SGCZ: variants seen among roughly 807,000 people sequenced by gnomAD.
SGCZ encodes the protein zeta-sarcoglycan.
In SGCZ, 40 loss-of-function variants were observed where a neutral mutation model predicts 41.3. That is an observed-to-expected ratio of 0.97 (90% CI 0.75 to 1.26). The LOEUF is 1.26. Ranked by LOEUF, SGCZ falls within the 50% of genes most tolerant of loss-of-function variation. SGCZ has a pLI of 0.00. For missense variants in SGCZ, 552 were observed against 369.8 expected (o/e 1.49, Z -4.04); for synonymous variants, 206 against 137.5 (o/e 1.50, Z -3.49).
chr8:14,339,770 C>T (rs1802638308), intron 2 of SGCZ, among the ~76,000 whole-genome samples: 1 of 151,756 alleles, frequency 6.6e-6, no homozygotes, highest in Non-Finnish European at 1.5e-5. Context: ...GTACATAGCA[C>T]ATAAGAAAGT....
At position 14,937,827 on chromosome 8, in the gene SGCZ, T is replaced by C. The variant is rs1437669026; in HGVS notation, c.39+299758A>G. Among the ~76,000 whole-genome samples the C allele has an allele frequency of 2.0e-5, 3 of 152,126 alleles. No individual in the cohort carries two copies. In the East Asian group the frequency reaches 5.8e-4, roughly 29 times the overall value. On this transcript the variant is annotated intron_variant, in intron 1 of 7. Coordinates refer to ENST00000382080, the MANE Select transcript of SGCZ (RefSeq NM_139167.4). Reference sequence around the variant, plus strand: ...AATGCAGATTGTAATGAATGAAATATATGTTGAACAATCAGGAATGTTATA... The same window carrying C: ...AATGCAGATTGTAATGAATGAAATACATGTTGAACAATCAGGAATGTTATA...
chr8:14,760,628 A>C (rs1253184355), intron 1 of SGCZ, among the ~76,000 whole-genome samples: 1 of 152,202 alleles, frequency 6.6e-6, no homozygotes, highest in Non-Finnish European at 1.5e-5. Context: ...AATCATTAAA[A>C]ATTTACCTCT....
chr8:14,803,577 G>T (rs1449001457), intron 1 of SGCZ, among the ~76,000 whole-genome samples: 6 of 152,118 alleles, frequency 3.9e-5, no homozygotes, highest in African/African-American at 1.4e-4. Flanking sequence ...CAGAGGGTCT[G>T]ACGCCCAGGG....
intron 1 of SGCZ, among the ~76,000 whole-genome samples, chr8:14,567,314 G>A (rs1309411632): frequency 6.6e-6 from 1 of 152,198 alleles, no homozygotes; most frequent in Non-Finnish European, 1.5e-5. Context: ...GTCTAGTGGG[G>A]ACTTGGAGAA....
chr8:14,799,767 C>T (rs544704012), intron 1 of SGCZ, among the ~76,000 whole-genome samples: 1 of 152,200 alleles, frequency 6.6e-6, no homozygotes, highest in Admixed American at 6.5e-5. Flanking sequence ...TCTAAAACCT[C>T]ATGCCCCTTT....
chr8:15,156,006 C>T (rs1421015524), intron 1 of SGCZ, among the ~76,000 whole-genome samples: 3 of 142,332 alleles, frequency 2.1e-5, no homozygotes, highest in Non-Finnish European at 4.5e-5. Context: ...TGCAGTGAGC[C>T]AAGATCGTGC....
At chr8:14,294,977 T>A (rs1800963152) in intron 3 of SGCZ, among the ~76,000 whole-genome samples, 1 of 152,176 alleles carries the variant, frequency 6.6e-6, no homozygotes, top group South Asian at 2.1e-4. Flanking sequence ...AATATGGCAA[T>A]CATTTTGGTA....
chr8:14,933,460 C>T (rs1275227378), intron 1 of SGCZ, among the ~76,000 whole-genome samples: 1 of 124,238 alleles, frequency 8.0e-6, no homozygotes, highest in Non-Finnish European at 1.6e-5. Context: ...GAGACGGAGT[C>T]TCGCTCTGTC....
At chr8:14,115,226 T>C (rs947742762) in intron 5 of SGCZ, among the ~76,000 whole-genome samples, 1 of 152,036 alleles carries the variant, frequency 6.6e-6, no homozygotes. Flanking sequence ...CATACACACC[T>C]GAGGCTTCTA....
rs576886933 is a variant in SGCZ at position 14,895,475 on chromosome 8, T to A, written c.40-340549A>T. ...AATCTTATCAGCTGTTTTATTAGTG[T>A]GATAAGAAATTCAAAGATGAGATTA... On this transcript the variant is annotated intron_variant, in intron 1 of 7. Transcript: ENST00000382080. Among the ~76,000 whole-genome samples the A allele has an allele frequency of 7.9e-5, 12 of 152,220 alleles. No individual in the cohort carries two copies. The East Asian group carries it at 1.9e-3, about 25-fold the overall frequency.
rs1489833899 is a variant in SGCZ, at chr8:15,164,647, T to C, written c.39+72938A>G. Among the ~76,000 whole-genome samples the C allele has an allele frequency of 4.0e-5, 6 of 151,850 alleles. No individual in the cohort carries two copies. In the East Asian group the frequency reaches 9.6e-4, roughly 24 times the overall value. On this transcript the variant is annotated intron_variant, in intron 1 of 7. Coordinates refer to ENST00000382080, the MANE Select transcript of SGCZ (RefSeq NM_139167.4). ...AGTTAAGTTTTAAGCAAGTTTTTTT[T>C]TTTTTTTAAGAAGACATTTTACTAG...
intron 1 of SGCZ, among the ~76,000 whole-genome samples, chr8:14,838,955 C>G (rs1261672873): frequency 1.3e-5 from 2 of 152,078 alleles, no homozygotes; most frequent in African/African-American, 4.8e-5. Flanking sequence ...CCAAGCATGG[C>G]TATGTTGGAC....
chr8:14,830,295 T>G (rs1226547553), intron 1 of SGCZ, among the ~76,000 whole-genome samples: 1 of 152,150 alleles, frequency 6.6e-6, no homozygotes, highest in Non-Finnish European at 1.5e-5. Flanking sequence ...ACATTTACTG[T>G]ATTATATGTA....
chr8:15,167,925 G>T (rs979795597), intron 1 of SGCZ, among the ~76,000 whole-genome samples: 1 of 152,148 alleles, frequency 6.6e-6, no homozygotes, highest in African/African-American at 2.4e-5. Context: ...CAGGTCATGG[G>T]AATAAATAGG....
chr8:14,253,700 C>T (rs1027542025), intron 3 of SGCZ, among the ~76,000 whole-genome samples: 1 of 152,046 alleles, frequency 6.6e-6, no homozygotes, highest in African/African-American at 2.4e-5. Flanking sequence ...TGAGCTATGT[C>T]TTATTTATAT....
rs374986405 is a variant in SGCZ at position 15,097,835 on chromosome 8, CGTGT to C, written c.39+139746_39+139749del. On this transcript the variant is annotated intron_variant, in intron 1 of 7. Coordinates refer to ENST00000382080, the MANE Select transcript of SGCZ (RefSeq NM_139167.4). ...ATATACGTGTGTGTATATATATATA[CGTGT>C]GTGTATATATATATATACGTGTGTG... Among the ~76,000 whole-genome samples, 29 of 102,698 alleles carry C rather than the reference CGTGT, an allele frequency of 2.8e-4. 2 individuals are homozygous for C. Among genetic ancestry groups the C allele is most frequent in the East Asian group, 2.6e-3 (10 of 3,842 alleles). 67.4% of individuals were successfully genotyped at this position (102,698 alleles called of 152,430 possible).
intron 1 of SGCZ, among the ~76,000 whole-genome samples, chr8:14,735,986 A>C (rs1799017819): frequency 6.6e-6 from 1 of 152,122 alleles, no homozygotes; most frequent in Admixed American, 6.6e-5. Context: ...TGATAAGTGT[A>C]AATGAGTATG....
At chr8:14,413,684 G>C (rs1216580166) in intron 2 of SGCZ, among the ~76,000 whole-genome samples, 1 of 151,882 alleles carries the variant, frequency 6.6e-6, no homozygotes, top group South Asian at 2.1e-4. Context: ...TTACCTCTTT[G>C]CCTATTTCCT....
chr8:15,195,704 T>C (rs112722902), intron 1 of SGCZ, among the ~76,000 whole-genome samples: 32 of 152,160 alleles, frequency 2.1e-4, no homozygotes, highest in Non-Finnish European at 3.2e-4. Flanking sequence ...CCATTTGGTA[T>C]GTTCAAGTAT....
Sources: allele counts gnomAD v4.1 joint callset (sites outside exome capture counted in the v4.1 genomes callset), GRCh38; gene constraint gnomAD v4.1.1; transcripts MANE v1.5; gene names NCBI Gene and HGNC (gene_info 2026-07-23, HGNC 2026-07-21).